KIAA2012: variants seen among roughly 807,000 people sequenced by gnomAD.
KIAA2012 encodes the protein uncharacterized protein KIAA2012.
KIAA2012 carries 125 observed loss-of-function variants against 150.6 expected under a neutral mutation model. The observed-to-expected ratio is 0.83, with a 90% confidence interval of 0.72 to 0.96. KIAA2012 has a LOEUF of 0.96. Ranked by LOEUF, KIAA2012 falls within the 40% of genes least tolerant of loss-of-function variation. The pLI, the probability that KIAA2012 is intolerant of heterozygous loss-of-function variation, is 0.00. For synonymous variants in KIAA2012, 462 were observed against 504.7 expected, an observed-to-expected ratio of 0.92 and a Z score of 1.13; for missense variants, 1,219 against 1,354.9, an observed-to-expected ratio of 0.90 and a Z score of 1.57.
chr2:202,203,167 C>G (rs1692562683), intron 23 of KIAA2012, among the ~76,000 whole-genome samples: 1 of 152,126 alleles, frequency 6.6e-6, no homozygotes, highest in South Asian at 2.1e-4. Flanking sequence ...TAATTTCAGT[C>G]TGAAACACTA....
At position 202,105,920 on chromosome 2, in the gene KIAA2012, C is replaced by T; in HGVS notation, c.1474+10C>T. On this transcript the variant is annotated intron_variant, in intron 9 of 23. Transcript: ENST00000498697. ...ACACTCTCACCTCAAGGTAGCTCCT[C>T]CCTCCCTCCAGCATCCCTCGGGAAC... is the stretch of plus-strand genomic sequence containing the variant. The T allele has an allele frequency of 3.2e-6, 5 of 1,550,850 alleles. No individual in the cohort carries two copies. Among genetic ancestry groups the T allele is most frequent in the Non-Finnish European group, 4.4e-6 (5 of 1,147,064 alleles).
chr2:202,178,290 A>G (rs1692038494), intron 15 of KIAA2012, among the ~76,000 whole-genome samples: 1 of 152,178 alleles, frequency 6.6e-6, no homozygotes, highest in Non-Finnish European at 1.5e-5. Flanking sequence ...AGTATACAGT[A>G]TTTTTCCTAT....
At chr2:202,199,585 A>G (rs549922169) in intron 22 of KIAA2012, among the ~76,000 whole-genome samples, 7 of 152,362 alleles carry the variant, frequency 4.6e-5, no homozygotes, top group Non-Finnish European at 8.8e-5. Flanking sequence ...AGTCAACGGT[A>G]CAAACATCAC....
In KIAA2012 at chr2:202,171,977, G is replaced by C. The variant is rs10205645; in HGVS notation, c.2119+6621G>C. The stretch of plus-strand genomic sequence containing the variant: ...GTCAGCCGCCTCAACCTCTCGAGTA[G>C]CTGGGATTGCAGGCGCCTGCCACCA... On this transcript the variant is annotated intron_variant, in intron 15 of 23. Coordinates refer to ENST00000498697, the MANE Select transcript of KIAA2012 (RefSeq NM_001277372.4). Among the ~76,000 whole-genome samples, 1,043 of 151,600 alleles carry C rather than the reference G, an allele frequency of 6.9e-3. 8 individuals carry two copies. Among genetic ancestry groups the C allele is most frequent in the African/African-American group, 0.023 (966 of 41,330 alleles).
chr2:202,131,223 T>C (rs1228787638), intron 12 of KIAA2012, among the ~76,000 whole-genome samples: 1 of 152,196 alleles, frequency 6.6e-6, no homozygotes, highest in Non-Finnish European at 1.5e-5. Flanking sequence ...CACTGCAACC[T>C]CTGTCTCCCG....
chr2:202,202,922 G>A (rs1261984575), intron 23 of KIAA2012, among the ~76,000 whole-genome samples: 1 of 146,804 alleles, frequency 6.8e-6, no homozygotes, highest in Non-Finnish European at 1.5e-5. Flanking sequence ...GTGGGACCCT[G>A]TCTCTTAAGA....
At chr2:202,121,998 C>T (rs1690664393) in intron 11 of KIAA2012, among the ~76,000 whole-genome samples, 2 of 152,078 alleles carry the variant, frequency 1.3e-5, no homozygotes, top group African/African-American at 2.4e-5. Context: ...GCCAGCCAGC[C>T]GAGACACCAG....
chr2:202,156,209 GA>G (rs961055871), intron 14 of KIAA2012, among the ~76,000 whole-genome samples: 11 of 145,844 alleles, frequency 7.5e-5, no homozygotes, highest in East Asian at 4.0e-4. Flanking sequence ...CATCTCTATA[GA>G]AAAAAAAAAC....
chr2:202,134,400 T>G (rs1428273677), intron 12 of KIAA2012, among the ~76,000 whole-genome samples: 1 of 152,102 alleles, frequency 6.6e-6, no homozygotes, highest in Non-Finnish European at 1.5e-5. Context: ...AACCCTGACA[T>G]GTATCTAGGA....
chr2:202,112,999 C>T (rs907621506), intron 10 of KIAA2012, among the ~76,000 whole-genome samples: 5 of 152,170 alleles, frequency 3.3e-5, no homozygotes, highest in Non-Finnish European at 7.3e-5. Context: ...GGGCTGCATA[C>T]AGCTGAAGGA....
At position 202,073,426 on chromosome 2, in the gene KIAA2012, A is replaced by G. The variant is rs1158419352; in HGVS notation, c.-202A>G. On this transcript the variant is annotated 5_prime_UTR_variant, in exon 1 of 24. Transcript: ENST00000498697. ...GCTGTGCGGTTTATTTTTTCTCTCCACAAAGACACACACTGTCTAAACTGT... is the reference window on the plus strand; with the variant it reads ...GCTGTGCGGTTTATTTTTTCTCTCCGCAAAGACACACACTGTCTAAACTGT... The G allele has an allele frequency of 3.9e-6, 2 of 512,900 alleles. No homozygotes were observed. The highest frequency in any genetic ancestry group is 3.2e-5 in the Admixed American group (1 of 31,504). The allele number at this position is 512,900 out of a possible 1,614,324, so 31.8% of individuals were successfully genotyped here.
At chr2:202,157,924 C>T (rs1269421449) in intron 14 of KIAA2012, among the ~76,000 whole-genome samples, 3 of 152,202 alleles carry the variant, frequency 2.0e-5, no homozygotes, top group Non-Finnish European at 4.4e-5. Flanking sequence ...TTTGCCCTTC[C>T]CTCCAGTCCC....
At chr2:202,182,108 C>CTTTTTTTTTTTTTTTTTTT (rs754494077) in intron 15 of KIAA2012, among the ~76,000 whole-genome samples, 3 of 104,122 alleles carry the variant, frequency 2.9e-5, no homozygotes, top group Non-Finnish European at 3.9e-5. Flanking sequence ...TTTCTTTATT[C>CTTTTTTTTTTTTTTTTTTT]TTTTTTTTTT....
rs1277288236 is a variant in KIAA2012, at chr2:202,187,019, C to T, written c.2297C>T (p.Thr766Ile). The change falls in exon 17 of 24, where the codon ACA becomes ATA. Residue 766 changes from threonine (T) to isoleucine (I), a missense_variant. Physicochemically the swap from Thr to Ile is moderately conservative, Grantham distance 89. Coordinates refer to ENST00000498697, the MANE Select transcript of KIAA2012 (RefSeq NM_001277372.4). Reference protein sequence around the residue: ...ESPERLSAVYTSLLPREREGK... With the variant: ...ESPERLSAVYISLLPREREGK... ...CCCGAGAGGTTGAGTGCTGTGTATA[C>T]ATCTCTTCTTCCAAGAGAAAGAGAA... is the stretch of plus-strand genomic sequence containing the variant. 3.2e-6 allele frequency: 5 copies of T among 1,550,492 alleles called. No individual in the cohort carries two copies. The highest frequency in any genetic ancestry group is 4.4e-6 in the Non-Finnish European group (5 of 1,146,994).
chr2:202,203,461 C>T (rs796542039), intron 23 of KIAA2012, among the ~76,000 whole-genome samples: 1 of 152,208 alleles, frequency 6.6e-6, no homozygotes, highest in East Asian at 1.9e-4. Flanking sequence ...CTCACATCCT[C>T]GAAGTATAGA....
rs1039334781 is a variant in KIAA2012 at position 202,154,813 on chromosome 2, G to T, written c.2046+3G>T. The stretch of plus-strand genomic sequence containing the variant: ...TCGACATGACGCCGTTCCTGAAGGT[G>T]ATCTCACACTGAGAAGACGAGGGGT... On this transcript the variant is annotated splice_donor_region_variant and intron_variant, in intron 14 of 23. Transcript: ENST00000498697. The T allele has an allele frequency of 3.9e-6, 6 of 1,544,372 alleles. No individual in the cohort carries two copies. The highest frequency in any genetic ancestry group is 5.2e-6 in the Non-Finnish European group (6 of 1,145,448).
chr2:202,181,938 A>G (rs1022955746), intron 15 of KIAA2012, among the ~76,000 whole-genome samples: 50 of 152,100 alleles, frequency 3.3e-4, no homozygotes, highest in Admixed American at 3.3e-3. Flanking sequence ...CGTCACCACA[A>G]TCGAAATACA....
intron 20 of KIAA2012, 122 bp downstream of exon 20, chr2:202,193,625 T>C: frequency 1.0e-6 from 1 of 963,062 alleles, no homozygotes; most frequent in Non-Finnish European, 1.5e-6. Context: ...TAAAATAGCA[T>C]GTGTCATTTT....
intron 14 of KIAA2012, among the ~76,000 whole-genome samples, chr2:202,161,022 G>C (rs915913738): frequency 6.6e-6 from 1 of 152,170 alleles, no homozygotes; most frequent in Non-Finnish European, 1.5e-5. Flanking sequence ...CTGTGCATGA[G>C]AGTGGAGGGC....
Sources: allele counts gnomAD v4.1 joint callset (sites outside exome capture counted in the v4.1 genomes callset), GRCh38; gene constraint gnomAD v4.1.1; transcripts MANE v1.5; gene names NCBI Gene and HGNC (gene_info 2026-07-23, HGNC 2026-07-21).